Variants in KIAA1217 observed in about 807,000 individuals in gnomAD.
KIAA1217 encodes KIAA1217.
Under a neutral mutation model 163.9 loss-of-function variants are expected in KIAA1217, and 88 were observed. That is an observed-to-expected ratio of 0.54 (90% CI 0.45 to 0.64). The LOEUF is 0.64. KIAA1217 is among the 30% of genes least tolerant of loss of function. The pLI, the probability that KIAA1217 is intolerant of heterozygous loss-of-function variation, is 0.00. For synonymous variants in KIAA1217, 903 were observed against 923.1 expected, an observed-to-expected ratio of 0.98 and a Z score of 0.39; for missense variants, 2,372 against 2,475.0, an observed-to-expected ratio of 0.96 and a Z score of 0.88.
chr10:24,121,855 C>A (rs2063292995), intron 2 of KIAA1217, among the ~76,000 whole-genome samples: 1 of 151,990 alleles, frequency 6.6e-6, no homozygotes, highest in African/African-American at 2.4e-5. Flanking sequence ...TAATTTGCCA[C>A]CTTTATTACA....
chr10:24,545,712 T>A, intron 20 of KIAA1217, 115 bp from the exon 21 acceptor site: 2 of 1,502,660 alleles, frequency 1.3e-6, no homozygotes, highest in South Asian at 1.4e-5. Context: ...TTGAACTGTG[T>A]TTGGTTGGTT....
At chr10:24,200,176 G>A (rs74992798) in intron 2 of KIAA1217, among the ~76,000 whole-genome samples, 24 of 150,760 alleles carry the variant, frequency 1.6e-4, no homozygotes, top group African/African-American at 5.8e-4. Context: ...GTTGCCTCAT[G>A]GCTTTTGGTT....
At chr10:23,776,988 G>A (rs888740712) in intron 1 of KIAA1217, among the ~76,000 whole-genome samples, 3 of 152,254 alleles carry the variant, frequency 2.0e-5, no homozygotes, top group South Asian at 4.1e-4. Context: ...CCGGCTGACT[G>A]TGGGTACTTT....
At chr10:24,187,350 C>G (rs556573083) in intron 2 of KIAA1217, among the ~76,000 whole-genome samples, 29 of 152,164 alleles carry the variant, frequency 1.9e-4, no homozygotes, top group Non-Finnish European at 2.9e-4. Context: ...TCGCTGCCTC[C>G]CAGGTCATTT....
At chr10:24,106,700 G>A (rs1241566625) in intron 2 of KIAA1217, among the ~76,000 whole-genome samples, 6 of 152,096 alleles carry the variant, frequency 3.9e-5, no homozygotes, top group Non-Finnish European at 5.9e-5. Context: ...CTGTTGTCAA[G>A]CATTCTATAC....
At chr10:24,038,405 T>C (rs1268323659) in intron 2 of KIAA1217, among the ~76,000 whole-genome samples, 1 of 152,208 alleles carries the variant, frequency 6.6e-6, no homozygotes, top group East Asian at 1.9e-4. Context: ...GGGATACATT[T>C]ACCCTAAGTA....
chr10:24,303,517 C>A (rs1410008665), intron 2 of KIAA1217, among the ~76,000 whole-genome samples: 1 of 152,082 alleles, frequency 6.6e-6, no homozygotes, highest in Non-Finnish European at 1.5e-5. Context: ...ACTGGTCTGA[C>A]TGGGAAGGAC....
chr10:24,211,908 G>C (rs1427420491), intron 1 of KIAA1217, among the ~76,000 whole-genome samples: 2 of 151,922 alleles, frequency 1.3e-5, no homozygotes, highest in African/African-American at 4.8e-5. Context: ...AATTTAGCTA[G>C]GCATAGTGCC....
At chr10:24,145,653 G>A (rs1216889758) in intron 2 of KIAA1217, among the ~76,000 whole-genome samples, 1 of 152,218 alleles carries the variant, frequency 6.6e-6, no homozygotes, top group East Asian at 1.9e-4. Flanking sequence ...AGAGAAGCCA[G>A]TCTGAGTCCC....
chr10:23,745,368 C>G (rs1431670753), intron 1 of KIAA1217, among the ~76,000 whole-genome samples: 1 of 152,138 alleles, frequency 6.6e-6, no homozygotes, highest in Admixed American at 6.5e-5. Context: ...AATGTTTGTG[C>G]TAATGTATGT....
At chr10:24,118,950 T>C (rs1259924100) in intron 2 of KIAA1217, among the ~76,000 whole-genome samples, 1 of 152,104 alleles carries the variant, frequency 6.6e-6, no homozygotes, top group Non-Finnish European at 1.5e-5. Flanking sequence ...TTTTTTTTTC[T>C]CTTTTCTTCC....
At chr10:23,700,967 A>G (rs1052211908) in intron 1 of KIAA1217, among the ~76,000 whole-genome samples, 2 of 152,158 alleles carry the variant, frequency 1.3e-5, no homozygotes, top group African/African-American at 2.4e-5. Flanking sequence ...GGCTAGAACA[A>G]TTCCTGCCAC....
At chr10:24,180,617 G>A (rs1208425750) in intron 2 of KIAA1217, among the ~76,000 whole-genome samples, 1 of 151,804 alleles carries the variant, frequency 6.6e-6, no homozygotes, top group Non-Finnish European at 1.5e-5. Flanking sequence ...TTCAACTCAA[G>A]TTCAAATTTG....
chr10:24,189,357 T>C (rs765629947), intron 2 of KIAA1217, among the ~76,000 whole-genome samples: 6 of 152,058 alleles, frequency 3.9e-5, no homozygotes, highest in Admixed American at 2.0e-4. Context: ...GCTTCGAAAA[T>C]ATGCCCCTGA....
intron 2 of KIAA1217, among the ~76,000 whole-genome samples, chr10:24,253,662 G>A (rs937654372): frequency 6.6e-6 from 1 of 151,940 alleles, no homozygotes; most frequent in Non-Finnish European, 1.5e-5. Context: ...AACCTGGGAG[G>A]TAGAGATTGA....
intron 2 of KIAA1217, among the ~76,000 whole-genome samples, chr10:24,251,170 G>A (rs917491661): frequency 2.7e-5 from 4 of 150,848 alleles, no homozygotes; most frequent in African/African-American, 9.8e-5. Context: ...AGGTTGCAGT[G>A]AGCCGAGATC....
At chr10:24,179,951 G>A (rs1406079494) in intron 2 of KIAA1217, among the ~76,000 whole-genome samples, 3 of 152,100 alleles carry the variant, frequency 2.0e-5, no homozygotes, top group African/African-American at 7.2e-5. Context: ...ACAAATTGTA[G>A]GAAAGTAAGT....
chr10:24,068,696 G>A (rs908270594), intron 2 of KIAA1217, among the ~76,000 whole-genome samples: 4 of 152,052 alleles, frequency 2.6e-5, no homozygotes, highest in African/African-American at 9.7e-5. Flanking sequence ...TGTTTTTAGT[G>A]GCCCACAGGT....
chr10:24,134,389 C>A (rs2063761265), intron 2 of KIAA1217, among the ~76,000 whole-genome samples: 1 of 152,186 alleles, frequency 6.6e-6, no homozygotes, highest in Admixed American at 6.5e-5. Flanking sequence ...AAAGTGTTGG[C>A]TTCCAGCTTG....
Sources: gnomAD v4.1 joint callset for allele counts (sites outside exome capture counted in the v4.1 genomes callset) on GRCh38, gnomAD v4.1.1 for gene constraint, MANE v1.5 for transcripts, NCBI Gene and HGNC (gene_info 2026-07-23, HGNC 2026-07-21) for gene names.